Variants in LRP1B observed in about 807,000 individuals in gnomAD.
LRP1B encodes low-density lipoprotein receptor-related protein 1B.
In LRP1B, 217 loss-of-function variants were observed where a neutral mutation model predicts 556.6. That is an observed-to-expected ratio of 0.39 (90% CI 0.35 to 0.44). The LOEUF is 0.44. Among genes scored for constraint, LRP1B ranks in the 20% least tolerant of loss-of-function variants. LRP1B has a pLI of 1.00. For synonymous variants in LRP1B, 2,047 were observed against 1,865.8 expected, an observed-to-expected ratio of 1.10 and a Z score of -2.50; for missense variants, 5,053 against 5,620.8, an observed-to-expected ratio of 0.90 and a Z score of 3.23.
intron 5 of LRP1B, among the ~76,000 whole-genome samples, chr2:141,236,809 T>A (rs1683661850): frequency 6.6e-6 from 1 of 152,170 alleles, no homozygotes; most frequent in African/African-American, 2.4e-5. Context: ...TGGCCATATG[T>A]GGCAATGTTC....
At chr2:140,439,499 T>C (rs1236215174) in intron 66 of LRP1B, among the ~76,000 whole-genome samples, 6 of 152,156 alleles carry the variant, frequency 3.9e-5, no homozygotes, top group Non-Finnish European at 8.8e-5. Flanking sequence ...TAGATTTAAA[T>C]CTTTACATAC....
At chr2:141,877,108 C>T (rs921605993) in intron 1 of LRP1B, among the ~76,000 whole-genome samples, 9 of 151,880 alleles carry the variant, frequency 5.9e-5, no homozygotes, top group Non-Finnish European at 8.8e-5. Flanking sequence ...CATCCTACGA[C>T]CCAAGCTTGC....
At chr2:141,051,153 A>T (rs1042269369) in intron 10 of LRP1B, among the ~76,000 whole-genome samples, 24 of 152,292 alleles carry the variant, frequency 1.6e-4, no homozygotes, top group East Asian at 3.9e-4. Flanking sequence ...TTGTGGAGAA[A>T]TAGAAACGCT....
chr2:140,779,714 AGT>A (rs1553531423), intron 32 of LRP1B, among the ~76,000 whole-genome samples: 19 of 136,314 alleles, frequency 1.4e-4, no homozygotes, highest in East Asian at 8.6e-4. Flanking sequence ...AAAAAAAAAA[AGT>A]GTGTGTGTGT....
At chr2:141,351,153 G>C in intron 3 of LRP1B, among the ~76,000 whole-genome samples, 1 of 151,906 alleles carries the variant, frequency 6.6e-6, no homozygotes, top group Admixed American at 6.6e-5. Flanking sequence ...TGGCATGATG[G>C]ATATAAGCAC....
chr2:141,645,450 C>T (rs1689522053), intron 2 of LRP1B, among the ~76,000 whole-genome samples: 1 of 143,696 alleles, frequency 7.0e-6, no homozygotes, highest in Admixed American at 7.0e-5. Context: ...ATCATTGGCA[C>T]TCTCCAAAGA....
intron 67 of LRP1B, among the ~76,000 whole-genome samples, chr2:140,378,666 ACT>A (rs931714122): frequency 1.3e-5 from 2 of 152,020 alleles, no homozygotes; most frequent in South Asian, 2.1e-4. Flanking sequence ...ACATTTTGTG[ACT>A]CTCTGTACCC....
At chr2:140,322,617 G>A (rs984644039) in intron 81 of LRP1B, among the ~76,000 whole-genome samples, 21 of 142,018 alleles carry the variant, frequency 1.5e-4, no homozygotes, top group Non-Finnish European at 2.3e-4. Flanking sequence ...GAAAAGACAT[G>A]TCTAAAGTGG....
chr2:140,728,824 C>T (rs1021311185), intron 35 of LRP1B, among the ~76,000 whole-genome samples: 5 of 152,028 alleles, frequency 3.3e-5, no homozygotes, highest in Non-Finnish European at 7.4e-5. Context: ...CATAGTGGCT[C>T]TGTGATATGG....
At chr2:140,843,329 G>C (rs2105103871) in intron 29 of LRP1B, among the ~76,000 whole-genome samples, 1 of 151,746 alleles carries the variant, frequency 6.6e-6, no homozygotes, top group South Asian at 2.1e-4. Context: ...ATAGTATCCA[G>C]CATTTCCTCC....
chr2:140,242,495 C>A (rs185938278), intron 87 of LRP1B, among the ~76,000 whole-genome samples: 1 of 151,060 alleles, frequency 6.6e-6, no homozygotes, highest in Non-Finnish European at 1.5e-5. Flanking sequence ...TGCTCCAGAC[C>A]CTGAAAATAT....
chr2:140,433,314 T>A (rs1686033323), intron 66 of LRP1B, among the ~76,000 whole-genome samples: 1 of 152,162 alleles, frequency 6.6e-6, no homozygotes, highest in Non-Finnish European at 1.5e-5. Context: ...ACCAGGCTGG[T>A]CTTGAACTCC....
chr2:141,988,929 A>G (rs1248317310), intron 1 of LRP1B, among the ~76,000 whole-genome samples: 2 of 152,050 alleles, frequency 1.3e-5, no homozygotes, highest in African/African-American at 4.8e-5. Flanking sequence ...TACTGCATGC[A>G]TATTTCTACT....
At chr2:140,305,575 A>G (rs1255507774) in intron 83 of LRP1B, among the ~76,000 whole-genome samples, 1 of 152,176 alleles carries the variant, frequency 6.6e-6, no homozygotes, top group African/African-American at 2.4e-5. Context: ...GGTTTTCTAA[A>G]TATGCAATCA....
chr2:140,687,575 A>ATTT (rs138037926), intron 41 of LRP1B, among the ~76,000 whole-genome samples: 1 of 149,626 alleles, frequency 6.7e-6, no homozygotes, highest in Non-Finnish European at 1.5e-5. Flanking sequence ...TATCCACATG[A>ATTT]TTTTTTTTTT....
chr2:141,369,738 G>A (rs1320195226), intron 3 of LRP1B, among the ~76,000 whole-genome samples: 1 of 151,902 alleles, frequency 6.6e-6, no homozygotes, highest in Non-Finnish European at 1.5e-5. Context: ...GTGAACTCAG[G>A]GCATTCAATG....
At chr2:141,376,565 T>G (rs10207976) in intron 3 of LRP1B, among the ~76,000 whole-genome samples, 4,108 of 152,298 alleles carry the variant, frequency 0.027, 186 homozygotes, top group African/African-American at 0.093. Context: ...TAGTAAGTCA[T>G]CTTGATCTGA....
intron 2 of LRP1B, among the ~76,000 whole-genome samples, chr2:141,659,663 A>C (rs1430301316): frequency 6.6e-6 from 1 of 152,016 alleles, no homozygotes; most frequent in Non-Finnish European, 1.5e-5. Context: ...CCTTCCTTGG[A>C]TATGTAACTG....
chr2:141,994,371 A>G (rs1393739869), intron 1 of LRP1B, among the ~76,000 whole-genome samples: 1 of 152,162 alleles, frequency 6.6e-6, no homozygotes, highest in Non-Finnish European at 1.5e-5. Context: ...TATGAACACA[A>G]TGATGGTTTC....
Sources: gnomAD v4.1 joint callset for allele counts (sites outside exome capture counted in the v4.1 genomes callset) on GRCh38, gnomAD v4.1.1 for gene constraint, MANE v1.5 for transcripts, NCBI Gene and HGNC (gene_info 2026-07-23, HGNC 2026-07-21) for gene names.